Variants in MRPL37 observed in about 807,000 individuals in gnomAD.
MRPL37 encodes the protein large ribosomal subunit protein mL37.
Under a neutral mutation model 44.1 loss-of-function variants are expected in MRPL37, and 34 were observed. The observed-to-expected ratio is 0.77, with a 90% CI of 0.59 to 1.03. The LOEUF is 1.03. Among genes scored for constraint, MRPL37 ranks in the 50% least tolerant of loss-of-function variants. MRPL37 has a pLI of 0.00. For synonymous variants in MRPL37, 212 were observed against 219.5 expected, an observed-to-expected ratio of 0.97 and a Z score of 0.30; for missense variants, 532 against 543.7, an observed-to-expected ratio of 0.98 and a Z score of 0.21.
At chr1:54,212,408 C>G (rs114062606) in intron 4 of MRPL37, 93 bp from the exon 5 acceptor site, 392 of 1,458,462 alleles carry the variant, frequency 2.7e-4, no homozygotes, top group South Asian at 4.6e-4. Context: ...TCTGTAGCAC[C>G]TGTCCCTGGG....
At chr1:54,207,145 C>T (rs1644129759) in intron 3 of MRPL37, among the ~76,000 whole-genome samples, 1 of 152,224 alleles carries the variant, frequency 6.6e-6, no homozygotes, top group Admixed American at 6.5e-5. Flanking sequence ...ATCTTTTCCT[C>T]CTCTGTGTTC....
intron 5 of MRPL37, among the ~76,000 whole-genome samples, chr1:54,215,847 T>G (rs1644193345): frequency 6.6e-6 from 1 of 152,208 alleles, no homozygotes; most frequent in Admixed American, 6.5e-5. Flanking sequence ...CTGGCCTGCC[T>G]GAACTCTGGC....
intron 4 of MRPL37, 24 bp downstream of exon 4, chr1:54,210,155 T>C (rs1301424925): frequency 1.9e-6 from 3 of 1,605,514 alleles, no homozygotes; most frequent in Non-Finnish European, 2.6e-6. Flanking sequence ...TCTTGGACTT[T>C]TAGGCAGTGT....
At chr1:54,223,636 G>T (rs931416501), downstream of MRPL37, among the ~76,000 whole-genome samples, 2 of 152,228 alleles carry the variant, frequency 1.3e-5, no homozygotes, top group Non-Finnish European at 2.9e-5. Flanking sequence ...TCTCAGGCCT[G>T]GTCCTACCTC....
chr1:54,221,539 C>T (rs1351467576), downstream of MRPL37, among the ~76,000 whole-genome samples: 1 of 152,202 alleles, frequency 6.6e-6, no homozygotes, highest in Non-Finnish European at 1.5e-5. Flanking sequence ...CAGGGCAGGA[C>T]CTCCATCCCT....
chr1:54,221,131 C>T (rs771068375), downstream of MRPL37, among the ~76,000 whole-genome samples: 2 of 130,734 alleles, frequency 1.5e-5, no homozygotes, highest in African/African-American at 2.8e-5. Flanking sequence ...GGTTTCAAGT[C>T]GATGGGTTTG....
intron 4 of MRPL37, among the ~76,000 whole-genome samples, chr1:54,211,770 G>A (rs954042830): frequency 5.3e-5 from 8 of 152,264 alleles, no homozygotes; most frequent in Non-Finnish European, 1.2e-4. Context: ...TGGGATTACC[G>A]GCATGAGCCA....
intron 1 of MRPL37, among the ~76,000 whole-genome samples, chr1:54,203,127 A>G (rs1644096304): frequency 6.6e-6 from 1 of 152,138 alleles, no homozygotes; most frequent in African/African-American, 2.4e-5. Flanking sequence ...GCTAAACTGA[A>G]TCTATTTTAG....
At chr1:54,215,965 GC>G (rs1644194024) in intron 5 of MRPL37, among the ~76,000 whole-genome samples, 175 bp from the exon 6 acceptor site, 1 of 152,140 alleles carries the variant, frequency 6.6e-6, no homozygotes, top group Non-Finnish European at 1.5e-5. Flanking sequence ...GTGAAGGAAG[GC>G]CCGGCCCTGG....
At chr1:54,208,342 A>T (rs1644138823) in intron 3 of MRPL37, among the ~76,000 whole-genome samples, 1 of 152,022 alleles carries the variant, frequency 6.6e-6, no homozygotes, top group Admixed American at 6.6e-5. Flanking sequence ...GGAGATCAAG[A>T]CCATCCTGGC....
intron 1 of MRPL37, 118 bp from the exon 2 acceptor site, chr1:54,204,900 C>T: frequency 8.3e-7 from 1 of 1,198,938 alleles, no homozygotes; most frequent in Non-Finnish European, 1.1e-6. Context: ...TGTCACAGAA[C>T]AAATCCAGTT....
At chr1:54,208,536 A>G (rs1644140721) in intron 3 of MRPL37, among the ~76,000 whole-genome samples, 1 of 123,562 alleles carries the variant, frequency 8.1e-6, no homozygotes. Context: ...GCGACAGAGC[A>G]AGACTCCGTC....
At chr1:54,207,514 C>A (rs776023797) in intron 3 of MRPL37, 1 of 152,090 alleles carries the variant, frequency 6.6e-6, no homozygotes, top group Non-Finnish European at 1.5e-5. Context: ...GGTAATGACA[C>A]CACTAAGGAA....
intron 3 of MRPL37, chr1:54,207,345 C>T (rs1450406919): frequency 6.6e-6 from 1 of 152,228 alleles, no homozygotes; most frequent in Non-Finnish European, 1.5e-5. Flanking sequence ...CATATACCTA[C>T]TGTTGGTGTT....
At position 54,205,040 on chromosome 1, in the gene MRPL37, C is replaced by T; in HGVS notation, c.369C>T (p.Leu123=). 1 of 1,614,152 alleles carries T rather than the reference C, an allele frequency of 6.2e-7. No homozygotes were observed. The highest frequency in any genetic ancestry group is 8.5e-7 in the Non-Finnish European group (1 of 1,180,028). Residue 123 remains leucine (L), a synonymous_variant, in exon 2 of 7, where the codon CTC becomes CTT. Coordinates refer to ENST00000360840, the MANE Select transcript of MRPL37 (RefSeq NM_016491.4). ...LLEGVKQALW[L]TKTKLIEGLP... ...AAGGTGTAAAGCAGGCCCTCTGGCT[C>T]ACCAAGACCAAGTTAATAGAAGGCC...
intron 4 of MRPL37, among the ~76,000 whole-genome samples, chr1:54,211,730 C>T (rs1317524433): frequency 1.3e-5 from 2 of 152,128 alleles, no homozygotes; most frequent in Non-Finnish European, 2.9e-5. Flanking sequence ...TGGGCCCAGG[C>T]GATCTGCTTG....
In MRPL37 at chr1:54,212,602, A is replaced by G. The variant is rs1200338673; in HGVS notation, c.934A>G (p.Lys312Glu). The change falls in exon 5 of 7, where the codon AAG (lysine) becomes GAG (glutamate). Residue 312 changes from lysine (K) to glutamate (E), a missense_variant. By Grantham distance (56) the Lys-to-Glu change is moderately conservative. Transcript: ENST00000360840. ...CCTTCAACCAGATCAGCTGCGGGCC[A>G]AGATGATCCTGTTTGCTTTTGGCAG... is the stretch of plus-strand genomic sequence containing the variant. Reference protein sequence around the residue: ...HRLQPDQLRAKMILFAFGSAL... With the variant: ...HRLQPDQLRAEMILFAFGSAL... 6.2e-7 allele frequency: 1 copy of G among 1,614,214 alleles called. No individual in the cohort carries two copies. The highest frequency in any genetic ancestry group is 8.5e-7 in the Non-Finnish European group (1 of 1,180,042).
intron 1 of MRPL37, among the ~76,000 whole-genome samples, chr1:54,202,021 G>A (rs1245111805): frequency 1.7e-5 from 2 of 121,096 alleles, no homozygotes; most frequent in African/African-American, 6.2e-5. Flanking sequence ...TTTTTTTTTT[G>A]AGACAGCATC....
intron 1 of MRPL37, among the ~76,000 whole-genome samples, chr1:54,203,467 CTT>C (rs780467512): frequency 9.1e-5 from 9 of 98,880 alleles, no homozygotes; most frequent in Admixed American, 3.5e-4. Flanking sequence ...ACTTCATTTA[CTT>C]TTTTTTTTTT....
Sources: gnomAD v4.1 joint callset for allele counts (sites outside exome capture counted in the v4.1 genomes callset) on GRCh38, gnomAD v4.1.1 for gene constraint, MANE v1.5 for transcripts, NCBI Gene and HGNC (gene_info 2026-07-23, HGNC 2026-07-21) for gene names.